The following NCKAP5 variants were observed in gnomAD, a reference collection of about 807,000 sequenced individuals.
NCKAP5 encodes the protein NCK associated protein 5.
NCKAP5 carries 92 observed loss-of-function variants against 167.0 expected under a neutral mutation model. The ratio of observed to expected loss-of-function variants is 0.55; its 90% CI spans 0.47 to 0.66. The LOEUF (loss-of-function observed/expected upper bound fraction) is 0.66, where lower values mean the gene tolerates loss of function less well. Among genes scored for constraint, NCKAP5 ranks in the 30% least tolerant of loss-of-function variants. The probability of loss-of-function intolerance (pLI) is 0.00; values close to 1 mark genes in which losing one functional copy is unlikely to be tolerated. For synonymous variants in NCKAP5, 891 were observed against 877.4 expected (o/e 1.02, Z -0.27); for missense variants, 2,378 against 2,315.0 (o/e 1.03, Z -0.56).
At chr2:133,441,295 G>A (rs748678299) in intron 3 of NCKAP5, among the ~76,000 whole-genome samples, 48 of 152,182 alleles carry the variant, frequency 3.2e-4, no homozygotes, top group Non-Finnish European at 5.6e-4. Context: ...TTGAAACACT[G>A]AATATTAGAA....
At chr2:133,488,303 C>T (rs1001868302) in intron 3 of NCKAP5, among the ~76,000 whole-genome samples, 1 of 152,042 alleles carries the variant, frequency 6.6e-6, no homozygotes, top group East Asian at 1.9e-4. Context: ...ACAAAACAAC[C>T]AAATCAGAAG....
intron 16 of NCKAP5, among the ~76,000 whole-genome samples, chr2:132,745,668 T>C (rs1385778919): frequency 6.6e-6 from 1 of 151,962 alleles, no homozygotes; most frequent in Non-Finnish European, 1.5e-5. Flanking sequence ...CTGTCTTTAT[T>C]TGAAGACAAT....
chr2:132,994,319 T>C (rs2077529332), intron 6 of NCKAP5, 80 bp from the exon 7 acceptor site: 1 of 939,660 alleles, frequency 1.1e-6, no homozygotes, highest in Non-Finnish European at 1.6e-6. Context: ...GAAATCACTC[T>C]TCTATGCGTA....
intron 4 of NCKAP5, among the ~76,000 whole-genome samples, chr2:133,252,019 C>A (rs974186691): frequency 5.3e-5 from 8 of 152,108 alleles, no homozygotes; most frequent in Non-Finnish European, 1.5e-5. Context: ...ATTTTAATTT[C>A]TTTAGGAAAA....
intron 4 of NCKAP5, among the ~76,000 whole-genome samples, chr2:133,224,000 T>C (rs1342145587): frequency 6.6e-6 from 1 of 152,230 alleles, no homozygotes. Context: ...CTAATTTTAG[T>C]GGCCTGACTT....
At chr2:132,880,922 T>C (rs1457760866) in intron 8 of NCKAP5, among the ~76,000 whole-genome samples, 1 of 152,174 alleles carries the variant, frequency 6.6e-6, no homozygotes, top group African/African-American at 2.4e-5. Context: ...CCTAAATACT[T>C]CCACATGTGT....
intron 3 of NCKAP5, among the ~76,000 whole-genome samples, chr2:133,359,460 A>T (rs949143599): frequency 6.6e-6 from 1 of 152,322 alleles, no homozygotes; most frequent in East Asian, 1.9e-4. Context: ...AGGAAAACCT[A>T]TTGTGTTTGA....
chr2:132,672,774 G>T lies in NCKAP5; in HGVS notation c.*515C>A. On this transcript the variant is annotated 3_prime_UTR_variant, in exon 20 of 20. Coordinates refer to ENST00000409261, the MANE Select transcript of NCKAP5 (RefSeq NM_207363.3). ...ACTTCTGTACAAATATTCAAAAAAA[G>T]TGCAAAATTAAGGATTCTGTATCAT... 1.0e-5 allele frequency: 2 copies of T among 190,838 alleles called. No individual in the cohort carries two copies. The highest frequency in any genetic ancestry group is 1.9e-5 in the Non-Finnish European group (2 of 103,188). 11.8% of individuals were successfully genotyped at this position (190,838 alleles called of 1,614,324 possible).
chr2:132,681,829 C>T (rs1242163995), intron 19 of NCKAP5, among the ~76,000 whole-genome samples: 1 of 152,144 alleles, frequency 6.6e-6, no homozygotes, highest in Non-Finnish European at 1.5e-5. Flanking sequence ...GTTTGGTAGG[C>T]CATTTAGGAG....
At chr2:133,493,604 T>C (rs116616981) in intron 3 of NCKAP5, among the ~76,000 whole-genome samples, 2,363 of 152,286 alleles carry the variant, frequency 0.016, 55 homozygotes, top group African/African-American at 0.055. Context: ...AAGGAATGAA[T>C]AAATGAGAAT....
intron 9 of NCKAP5, among the ~76,000 whole-genome samples, chr2:132,878,442 A>G (rs566076976): frequency 1.9e-3 from 282 of 152,264 alleles, no homozygotes; most frequent in Non-Finnish European, 3.6e-3. Context: ...ATGGTATCCA[A>G]CTGGAGATGC....
the NCKAP5 span, among the ~76,000 whole-genome samples, chr2:133,622,483 T>C: frequency 6.6e-6 from 1 of 152,058 alleles, no homozygotes; most frequent in African/African-American, 2.4e-5. Context: ...CTCTGCTATA[T>C]ACTATCAGTG....
At position 132,849,196 on chromosome 2, in the gene NCKAP5, T is replaced by C. The variant is rs541782531; in HGVS notation, c.807+11296A>G. On this transcript the variant is annotated intron_variant, in intron 11 of 19. Transcript: ENST00000409261. ...CTCTGTATATAGGGAGAAAACCTACTGTCTTTCTCAGATACTCAAAGGATT... is the reference window on the plus strand; with the variant it reads ...CTCTGTATATAGGGAGAAAACCTACCGTCTTTCTCAGATACTCAAAGGATT... Among the ~76,000 whole-genome samples, 11 of 152,152 alleles carry C rather than the reference T, an allele frequency of 7.2e-5. No individual in the cohort carries two copies. The South Asian group carries it at 2.3e-3, about 32-fold the overall frequency.
At chr2:132,689,140 A>G (rs904327378) in intron 19 of NCKAP5, among the ~76,000 whole-genome samples, 1 of 152,200 alleles carries the variant, frequency 6.6e-6, no homozygotes, top group African/African-American at 2.4e-5. Context: ...CCAGAAGGGC[A>G]TGGAACCATG....
chr2:132,897,278 G>C (rs547822333), intron 8 of NCKAP5, among the ~76,000 whole-genome samples: 10 of 152,168 alleles, frequency 6.6e-5, no homozygotes, highest in Admixed American at 3.9e-4. Flanking sequence ...GCATAACAAA[G>C]CCAGAATGAA....
chr2:132,877,354 C>T (rs567950480), intron 9 of NCKAP5, among the ~76,000 whole-genome samples: 1 of 152,292 alleles, frequency 6.6e-6, no homozygotes, highest in Admixed American at 6.5e-5. Flanking sequence ...TAATATTAAA[C>T]AAATAATTTT....
chr2:133,230,196 A>G (rs1295955689), intron 4 of NCKAP5, among the ~76,000 whole-genome samples: 2 of 152,084 alleles, frequency 1.3e-5, no homozygotes. Context: ...AAGTGCATAT[A>G]CCTTGGAGCA....
At chr2:133,476,871 T>C (rs904269019) in intron 3 of NCKAP5, among the ~76,000 whole-genome samples, 14 of 152,214 alleles carry the variant, frequency 9.2e-5, no homozygotes. Flanking sequence ...TTACAGATGA[T>C]GCTGTTATAA....
At chr2:132,964,197 G>A (rs2076596619) in intron 7 of NCKAP5, among the ~76,000 whole-genome samples, 1 of 152,162 alleles carries the variant, frequency 6.6e-6, no homozygotes, top group African/African-American at 2.4e-5. Context: ...ACTGCAAACT[G>A]TGGAAAAATA....
Sources: allele counts gnomAD v4.1 joint callset (sites outside exome capture counted in the v4.1 genomes callset), GRCh38; gene constraint gnomAD v4.1.1; transcripts MANE v1.5; gene names NCBI Gene and HGNC (gene_info 2026-07-23, HGNC 2026-07-21).